LEMD3: variants seen among roughly 807,000 people sequenced by gnomAD.
LEMD3 encodes the protein inner nuclear membrane protein Man1.
Under a neutral mutation model 95.2 loss-of-function variants are expected in LEMD3, and 33 were observed. The ratio of observed to expected loss-of-function variants is 0.35; its 90% confidence interval spans 0.26 to 0.46. The LOEUF (loss-of-function observed/expected upper bound fraction) is 0.46. LEMD3 is among the 20% of genes least tolerant of loss of function. LEMD3 has a pLI of 1.00. For synonymous variants in LEMD3, 525 were observed against 474.6 expected (o/e 1.11, Z -1.38); for missense variants, 1,210 against 1,192.8 (o/e 1.01, Z -0.21).
At chr12:65,200,020 CAG>C (rs1208332610) in intron 1 of LEMD3, among the ~76,000 whole-genome samples, 1 of 151,638 alleles carries the variant, frequency 6.6e-6, no homozygotes, top group East Asian at 2.0e-4. Flanking sequence ...AACAAGGGAA[CAG>C]AGGGGTTGGG....
chr12:65,178,597 GTAATAA>G (rs942263045), intron 1 of LEMD3, among the ~76,000 whole-genome samples: 33 of 152,290 alleles, frequency 2.2e-4, no homozygotes, highest in African/African-American at 7.7e-4. Context: ...ATGGCACATA[GTAATAA>G]TAATAACTAA....
At position 65,247,206 on chromosome 12, in the gene LEMD3, GT is replaced by G. The variant is rs1871140376; in HGVS notation, c.*882del. The G allele has an allele frequency of 6.6e-6, 1 of 152,548 alleles. No homozygotes were observed. The highest frequency in any genetic ancestry group is 2.4e-5 in the African/African-American group (1 of 41,428). The allele number at this position is 152,548 out of a possible 1,614,324, so 9.4% of individuals were successfully genotyped here. A position where few individuals can be genotyped will look rare whatever the true frequency, so the allele number is the denominator to read the frequency against. On this transcript the variant is annotated 3_prime_UTR_variant, in exon 13 of 13. Coordinates refer to ENST00000308330, the MANE Select transcript of LEMD3 (RefSeq NM_014319.5). ...TTGTGTGAAAGTTCTGATACCAGTT[GT>G]AATAGAGTCAAATTTATGTGAGCAA... is the stretch of plus-strand genomic sequence containing the variant.
intron 1 of LEMD3, among the ~76,000 whole-genome samples, chr12:65,193,720 T>C (rs2136325884): frequency 7.8e-6 from 1 of 127,730 alleles, no homozygotes; most frequent in East Asian, 2.5e-4. Context: ...GATGGTCGCC[T>C]AACATAACTG....
rs984439895 is a variant in LEMD3, at chr12:65,238,903, G to T, written c.1921+89G>T. ...ATGCCAGAGTTGAGAATTCATTTTT[G>T]TGATGGTTGCCACATAAGTCACAGC... On this transcript the variant is annotated intron_variant, in intron 6 of 12. Transcript: ENST00000308330. 3.9e-6 allele frequency: 5 copies of T among 1,290,200 alleles called. No homozygotes were observed. The African/African-American group carries it at 4.4e-5, about 11-fold the overall frequency. 79.9% of individuals were successfully genotyped at this position (1,290,200 alleles called of 1,614,324 possible). A position where few individuals can be genotyped will look rare whatever the true frequency, so the allele number is the denominator to read the frequency against.
intron 4 of LEMD3, among the ~76,000 whole-genome samples, chr12:65,226,737 C>T (rs981424218): frequency 1.3e-5 from 2 of 152,156 alleles, no homozygotes; most frequent in African/African-American, 4.8e-5. Flanking sequence ...TCTAACTTTT[C>T]TGAACATGTT....
chr12:65,214,062 G>T (rs549269314), intron 2 of LEMD3, among the ~76,000 whole-genome samples: 1 of 152,066 alleles, frequency 6.6e-6, no homozygotes, highest in Non-Finnish European at 1.5e-5. Flanking sequence ...TCCTGTTTCA[G>T]CCCTGCTCTT....
chr12:65,234,552 C>T (rs957426359), intron 4 of LEMD3, among the ~76,000 whole-genome samples: 3 of 152,022 alleles, frequency 2.0e-5, no homozygotes, highest in African/African-American at 7.2e-5. Context: ...CCATTAAGTC[C>T]TTAATGAGGT....
In LEMD3 at chr12:65,169,934, C is replaced by T; in HGVS notation, c.338C>T (p.Ser113Phe). The T allele has an allele frequency of 6.9e-7, 1 of 1,450,176 alleles. No individual in the cohort carries two copies. The highest frequency in any genetic ancestry group is 9.0e-7 in the Non-Finnish European group (1 of 1,107,632). The allele number at this position is 1,450,176 out of a possible 1,614,324, so 89.8% of individuals were successfully genotyped here. A position where few individuals can be genotyped will look rare whatever the true frequency, so the allele number is the denominator to read the frequency against. The stretch of plus-strand genomic sequence containing the variant: ...GGGGGCCTGTGCCGAATCTCGGCCT[C>T]TGGCCCAGAGAGCCTCCTGGGAGGG... ...TPGGLCRISA[S>F]GPESLLGGPG... The change falls in exon 1 of 13, where the codon TCT becomes TTT. Residue 113 changes from serine (S) to phenylalanine (F), a missense_variant. Physicochemically the swap from Ser to Phe is radical, Grantham distance 155. Transcript: ENST00000308330.
chr12:65,170,166 A>G lies in LEMD3; in HGVS notation c.570A>G (p.Arg190=), dbSNP rs1435993722. The G allele has an allele frequency of 6.7e-7, 1 of 1,491,018 alleles. No individual in the cohort carries two copies. Among genetic ancestry groups the G allele is most frequent in the African/African-American group, 1.4e-5 (1 of 71,432 alleles). The allele number at this position is 1,491,018 out of a possible 1,614,324, so 92.4% of individuals were successfully genotyped here. ...SEVTNSNSAE[R]RKPHSWWGAR... The stretch of plus-strand genomic sequence containing the variant: ...TGACTAACAGCAACTCTGCAGAGCG[A>G]AGGAAGCCCCACTCGTGGTGGGGGG... The change falls in exon 1 of 13, where the codon CGA becomes CGG. Residue 190 remains arginine, a synonymous_variant. Coordinates refer to ENST00000308330, the MANE Select transcript of LEMD3 (RefSeq NM_014319.5).
chr12:65,169,630 C>G lies in LEMD3; in HGVS notation c.34C>G (p.Leu12Val), dbSNP rs369764718. The G allele has an allele frequency of 3.1e-6, 5 of 1,589,576 alleles. No homozygotes were observed. Among genetic ancestry groups the G allele is most frequent in the African/African-American group, 1.3e-5 (1 of 74,652 alleles). ...AAAAASAPQQ[L>V]SDEELFSQLR... ...GGCAGCAGCTTCGGCGCCTCAGCAG[C>G]TCTCGGATGAGGAGCTTTTCTCTCA... is the stretch of plus-strand genomic sequence containing the variant. The change falls in exon 1 of 13, where the codon CTC becomes GTC. Residue 12 changes from leucine to valine, a missense_variant. Physicochemically the swap from Leu to Val is conservative, Grantham distance 32. Around this residue, in one of 2 missense-constraint regions of LEMD3, gnomAD observed 749 missense variants for 622.9 expected, o/e 1.20. Coordinates refer to ENST00000308330, the MANE Select transcript of LEMD3 (RefSeq NM_014319.5).
At chr12:65,221,179 CT>C (rs34468551) in intron 4 of LEMD3, among the ~76,000 whole-genome samples, 92,738 of 123,286 alleles carry the variant, frequency 0.75, 34,255 homozygotes, top group Middle Eastern at 0.86. Flanking sequence ...TTTCATTCAG[CT>C]TTTTTTTTTT....
In LEMD3 at chr12:65,209,166, C is replaced by A. The variant is rs115613096; in HGVS notation, c.1523-1760C>A. ...ATGCACATGTGTATAACACACGCTC[C>A]CTGTCTTGAGAAGCCCACAGTAGAG... On this transcript the variant is annotated intron_variant, in intron 1 of 12. Transcript: ENST00000308330. Among the ~76,000 whole-genome samples, 526 of 152,194 alleles carry A rather than the reference C, an allele frequency of 3.5e-3. 3 individuals are homozygous for A. Among genetic ancestry groups the A allele is most frequent in the African/African-American group, 0.012 (508 of 41,536 alleles).
intron 1 of LEMD3, among the ~76,000 whole-genome samples, chr12:65,174,698 T>C (rs1173139954): frequency 6.6e-6 from 1 of 152,102 alleles, no homozygotes; most frequent in African/African-American, 2.4e-5. Flanking sequence ...CAGCAGAGTG[T>C]CTACTATGTG....
intron 1 of LEMD3, among the ~76,000 whole-genome samples, chr12:65,194,044 T>C (rs1174093197): frequency 1.3e-5 from 2 of 152,134 alleles, no homozygotes; most frequent in African/African-American, 4.8e-5. Context: ...GAGCTAGTCT[T>C]ATTTACCCAA....
At position 65,198,591 on chromosome 12, in the gene LEMD3, G is replaced by A. The variant is rs1221654368; in HGVS notation, c.1523-12335G>A. 6.6e-5 allele frequency among the ~76,000 whole-genome samples: 10 copies of A among 151,926 alleles called. No individual in the cohort carries two copies. The East Asian group carries it at 1.5e-3, about 23-fold the overall frequency. Reference sequence around the variant, plus strand: ...TCTGATCCTTGTATATTAGTGCCTCGGTATCCGTGGGGGATTTATTCCAGA... The same window carrying A: ...TCTGATCCTTGTATATTAGTGCCTCAGTATCCGTGGGGGATTTATTCCAGA... On this transcript the variant is annotated intron_variant, in intron 1 of 12. Coordinates refer to ENST00000308330, the MANE Select transcript of LEMD3 (RefSeq NM_014319.5).
chr12:65,203,973 A>G (rs570760242), intron 1 of LEMD3, among the ~76,000 whole-genome samples: 59 of 152,252 alleles, frequency 3.9e-4, no homozygotes, highest in African/African-American at 1.3e-3. Context: ...TATTAGTGTT[A>G]GCATGGTATA....
In LEMD3 at chr12:65,245,390, C is replaced by T. The variant is rs1212988569; in HGVS notation, c.2388-279C>T. On this transcript the variant is annotated intron_variant, in intron 10 of 12. Coordinates refer to ENST00000308330, the MANE Select transcript of LEMD3 (RefSeq NM_014319.5). Reference sequence around the variant, plus strand: ...TCCTGACCTCATGATCCGCCTGCCTCGGCCTCTCAAAGTGCTGGGATTACA... The same window carrying T: ...TCCTGACCTCATGATCCGCCTGCCTTGGCCTCTCAAAGTGCTGGGATTACA... 2.2e-5 allele frequency: 8 copies of T among 367,956 alleles called. No homozygotes were observed. The East Asian group carries it at 2.6e-4, about 12-fold the overall frequency. The allele number at this position is 367,956 out of a possible 1,614,324, so 22.8% of individuals were successfully genotyped here.
At chr12:65,184,335 G>C (rs745409604) in intron 1 of LEMD3, among the ~76,000 whole-genome samples, 2 of 152,108 alleles carry the variant, frequency 1.3e-5, no homozygotes, top group Non-Finnish European at 2.9e-5. Context: ...TGAACTTGGA[G>C]CATGTTTTAC....
chr12:65,231,721 TGAAAG>T (rs560825201), intron 4 of LEMD3, among the ~76,000 whole-genome samples: 3 of 151,778 alleles, frequency 2.0e-5, no homozygotes, highest in Non-Finnish European at 4.4e-5. Flanking sequence ...ATATGGAAAA[TGAAAG>T]GAAAAAAAGC....
Sources: allele counts gnomAD v4.1 joint callset (sites outside exome capture counted in the v4.1 genomes callset), GRCh38; gene constraint gnomAD v4.1.1; regional missense constraint gnomAD v4.1.1; transcripts MANE v1.5; gene names NCBI Gene and HGNC (gene_info 2026-07-23, HGNC 2026-07-21).